The following SCN11A variants were observed in gnomAD, a reference collection of about 807,000 sequenced individuals.
SCN11A encodes sodium voltage-gated channel alpha subunit 11, also known as sodium channel protein type 11 subunit alpha.
Under a neutral mutation model 162.2 loss-of-function variants are expected in SCN11A, and 122 were observed. The ratio of observed to expected loss-of-function variants is 0.75; its 90% CI spans 0.65 to 0.87. SCN11A has a LOEUF of 0.87. Among genes scored for constraint, SCN11A ranks in the 40% least tolerant of loss-of-function variants. The pLI is 0.00. For synonymous variants in SCN11A, 758 were observed against 751.5 expected, an observed-to-expected ratio of 1.01 and a Z score of -0.14; for missense variants, 2,015 against 2,181.6, an observed-to-expected ratio of 0.92 and a Z score of 1.52.
intron 7 of SCN11A, among the ~76,000 whole-genome samples, chr3:38,943,980 A>G (rs2066478552): frequency 6.6e-6 from 1 of 152,258 alleles, no homozygotes; most frequent in Non-Finnish European, 1.5e-5. Context: ...AATGTTTCCA[A>G]TACAAGGAAA....
At chr3:38,941,743 C>T (rs1370204896) in intron 7 of SCN11A, among the ~76,000 whole-genome samples, 1 of 148,644 alleles carries the variant, frequency 6.7e-6, no homozygotes, top group East Asian at 2.0e-4. Context: ...ATGATTAACA[C>T]AAAAGGAAGC....
chr3:38,909,219 G>A (rs765408172), intron 12 of SCN11A, 25 bp from the exon 13 acceptor site: 7 of 1,609,132 alleles, frequency 4.4e-6, no homozygotes, highest in Non-Finnish European at 6.0e-6. Context: ...GCATGTTCTT[G>A]AATATCAAAC....
chr3:38,995,819 G>GTCTATCTATCTA lies in SCN11A; in HGVS notation c.-279-35408_-279-35397dup, dbSNP rs373221139. 7.8e-3 allele frequency among the ~76,000 whole-genome samples: 1,104 copies of GTCTATCTATCTA among 141,748 alleles called. 5 individuals carry two copies. The highest frequency in any genetic ancestry group is 0.013 in the African/African-American group (499 of 38,126). The allele number at this position is 141,748 out of a possible 152,430, so 93.0% of individuals were successfully genotyped here. On this transcript the variant is annotated intron_variant, in intron 2 of 29. Coordinates refer to ENST00000302328, the MANE Select transcript of SCN11A (RefSeq NM_001349253.2). ...AAATTGTCTATCTATCTATCTATCT[G>GTCTATCTATCTA]TCTATCTATCTATCTATCTATCTAT...
At chr3:38,883,472 T>C (rs909408377) in intron 21 of SCN11A, 85 bp from the exon 22 acceptor site, 1 of 1,327,222 alleles carries the variant, frequency 7.5e-7, no homozygotes, top group Non-Finnish European at 1.0e-6. Context: ...TCTGTGTTCA[T>C]GCCCCTTGCC....
chr3:39,048,804 G>A (rs936907536), intron 1 of SCN11A, among the ~76,000 whole-genome samples: 1 of 152,208 alleles, frequency 6.6e-6, no homozygotes, highest in African/African-American at 2.4e-5. Flanking sequence ...TCTTCTTCGG[G>A]ATGCTCATCC....
chr3:38,907,213 C>T (rs2065806151), intron 14 of SCN11A, among the ~76,000 whole-genome samples: 1 of 151,584 alleles, frequency 6.6e-6, no homozygotes, highest in South Asian at 2.1e-4. Flanking sequence ...TTCCTTAGTG[C>T]ACAGCAAGTA....
chr3:38,905,422 CAACATTTTCTAT>C, intron 14 of SCN11A, 101 bp from the exon 15 acceptor site: 1 of 1,382,404 alleles, frequency 7.2e-7, no homozygotes, highest in Non-Finnish European at 9.8e-7. Context: ...TGAAAGTGCT[CAACATTTTCTAT>C]AGGTCTACTC....
intron 27 of SCN11A, among the ~76,000 whole-genome samples, chr3:38,865,905 A>G (rs534789756): frequency 5.6e-4 from 85 of 152,314 alleles, no homozygotes; most frequent in Non-Finnish European, 9.4e-4. Flanking sequence ...TAATAAATAT[A>G]TAACAATTAG....
chr3:38,909,001 T>G lies in SCN11A; in HGVS notation c.1295A>C (p.Lys432Thr). 1 of 1,612,642 alleles carries G rather than the reference T, an allele frequency of 6.2e-7. No individual in the cohort carries two copies. The highest frequency in any genetic ancestry group is 8.5e-7 in the Non-Finnish European group (1 of 1,179,530). The change falls in exon 13 of 30, where the codon AAG (lysine) becomes ACG (threonine). Residue 432 changes from lysine (K) to threonine (T), a missense_variant. Coordinates refer to ENST00000302328, the MANE Select transcript of SCN11A (RefSeq NM_001349253.2). ...TGTCTGACCCCATGTCCCTACCTCCTTTTCCTCCTTTAACAGCTGCTGGGC... is the reference window on the plus strand; with the variant it reads ...TGTCTGACCCCATGTCCCTACCTCCGTTTCCTCCTTTAACAGCTGCTGGGC... Reference protein sequence around the residue: ...QEAQQLLKEEKEALVAMGIDR... With the variant: ...QEAQQLLKEETEALVAMGIDR...
At chr3:38,896,762 G>T in intron 18 of SCN11A, 83 bp downstream of exon 18, 1 of 1,107,190 alleles carries the variant, frequency 9.0e-7, no homozygotes, top group Non-Finnish European at 1.2e-6. Context: ...ATTTTTACTA[G>T]TAAAGTTTTG....
At chr3:38,995,952 T>G (rs1382125094) in intron 2 of SCN11A, among the ~76,000 whole-genome samples, 1 of 152,156 alleles carries the variant, frequency 6.6e-6, no homozygotes, top group Non-Finnish European at 1.5e-5. Context: ...GTCATAAGAA[T>G]GTGACTCTAA....
At chr3:38,882,209 G>A (rs4315640) in intron 22 of SCN11A, among the ~76,000 whole-genome samples, 15,875 of 152,150 alleles carry the variant, frequency 0.1, 982 homozygotes, top group Non-Finnish European at 0.13. Context: ...CACAGTCCCC[G>A]GTGGGCTCTG....
Position 38,897,121 on chromosome 3 carries a change from G to A in SCN11A, c.2127C>T (p.Val709=). The part of the protein sequence containing the change: ...GALGSLTVVL[V]IVIFIFSVVG... ...CTACTGAGAAAATAAAGATCACAATGACCAGGACCACAGTCAGGCTTCCAA... is the reference window on the plus strand; with the variant it reads ...CTACTGAGAAAATAAAGATCACAATAACCAGGACCACAGTCAGGCTTCCAA... Residue 709 remains valine, a synonymous_variant, in exon 18 of 30, where the codon GTC becomes GTT. Coordinates refer to ENST00000302328, the MANE Select transcript of SCN11A (RefSeq NM_001349253.2). 1 of 1,614,110 alleles carries A rather than the reference G, an allele frequency of 6.2e-7. No homozygotes were observed. The highest frequency in any genetic ancestry group is 8.5e-7 in the Non-Finnish European group (1 of 1,180,014).
At chr3:38,877,714 G>A (rs1373451875) in intron 23 of SCN11A, among the ~76,000 whole-genome samples, 1 of 90,982 alleles carries the variant, frequency 1.1e-5, no homozygotes, top group African/African-American at 4.9e-5. Flanking sequence ...TATATATGGT[G>A]TATATACTAT....
At chr3:38,892,952 G>T (rs1343562887) in intron 19 of SCN11A, among the ~76,000 whole-genome samples, 2 of 151,866 alleles carry the variant, frequency 1.3e-5, no homozygotes, top group Admixed American at 1.3e-4. Context: ...AATAATAAAG[G>T]AAAAAACATG....
chr3:39,035,765 G>A (rs544498172), intron 1 of SCN11A, among the ~76,000 whole-genome samples: 52 of 150,994 alleles, frequency 3.4e-4, no homozygotes, highest in South Asian at 1.3e-3. Context: ...TCAGCCTCCC[G>A]AGTAGCTGGG....
chr3:38,936,952 C>T (rs1348213300), intron 7 of SCN11A, among the ~76,000 whole-genome samples: 157 of 152,012 alleles, frequency 1.0e-3, no homozygotes, highest in Non-Finnish European at 1.8e-3. Context: ...GGAGGCATCA[C>T]GCTACCTGAC....
chr3:38,850,284 A>C (rs2064753293), intron 29 of SCN11A, 197 bp downstream of exon 29: 1 of 574,774 alleles, frequency 1.7e-6, no homozygotes, highest in African/African-American at 1.9e-5. Context: ...TAGTGAGTTA[A>C]GGGAACAGAA....
At chr3:38,991,495 T>C (rs2030451379) in intron 2 of SCN11A, among the ~76,000 whole-genome samples, 2 of 152,182 alleles carry the variant, frequency 1.3e-5, no homozygotes, top group African/African-American at 4.8e-5. Flanking sequence ...CATAGAGAGA[T>C]GAAGACCTCT....
Sources: gnomAD v4.1 joint callset for allele counts (sites outside exome capture counted in the v4.1 genomes callset) on GRCh38, gnomAD v4.1.1 for gene constraint, MANE v1.5 for transcripts, NCBI Gene and HGNC (gene_info 2026-07-23, HGNC 2026-07-21) for gene names.